ITPR2: variants seen among roughly 807,000 people sequenced by gnomAD.
ITPR2 encodes inositol 1,4,5-trisphosphate-gated calcium channel ITPR2.
A neutral mutation model predicts 317.1 loss-of-function variants in ITPR2; 207 were observed. The observed-to-expected ratio is 0.65, with a 90% CI of 0.58 to 0.73. ITPR2 has a LOEUF of 0.73. Ranked by LOEUF, ITPR2 falls within the 30% of genes least tolerant of loss-of-function variation. ITPR2 has a pLI of 0.00. For missense variants in ITPR2, 2,613 were observed against 3,284.0 expected (o/e 0.80, Z 4.99); for synonymous variants, 1,156 against 1,149.1 (o/e 1.01, Z -0.12).
intron 22 of ITPR2, among the ~76,000 whole-genome samples, chr12:26,629,361 G>A (rs1219149957): frequency 6.6e-6 from 1 of 152,070 alleles, no homozygotes; most frequent in Non-Finnish European, 1.5e-5. Flanking sequence ...CTGAGACAAA[G>A]GGATCGCTTG....
chr12:26,340,654 AGTGT>A (rs1417931015), intron 55 of ITPR2, among the ~76,000 whole-genome samples: 1 of 152,184 alleles, frequency 6.6e-6, no homozygotes, highest in Non-Finnish European at 1.5e-5. Context: ...AGCAGATCCA[AGTGT>A]GTGTGGGTAC....
chr12:26,725,564 G>T, intron 3 of ITPR2, 86 bp downstream of exon 3: 1 of 875,374 alleles, frequency 1.1e-6, no homozygotes, highest in Non-Finnish European at 1.8e-6. Flanking sequence ...TTGGGTGAAA[G>T]GACAAAGCTA....
At chr12:26,654,182 TG>T (rs1947325114) in intron 20 of ITPR2, 56 bp from the exon 21 acceptor site, 2 of 1,405,242 alleles carry the variant, frequency 1.4e-6, no homozygotes, top group African/African-American at 1.5e-5. Flanking sequence ...AAAAAAAAAT[TG>T]GGTACTGAAA....
At chr12:26,586,098 C>G (rs1050345596) in intron 32 of ITPR2, among the ~76,000 whole-genome samples, 1 of 151,942 alleles carries the variant, frequency 6.6e-6, no homozygotes, top group Admixed American at 6.6e-5. Context: ...ATGGTTATTA[C>G]CCTTTTTAAA....
At chr12:26,809,066 T>C (rs761606441) in intron 1 of ITPR2, among the ~76,000 whole-genome samples, 1 of 152,230 alleles carries the variant, frequency 6.6e-6, no homozygotes, top group Non-Finnish European at 1.5e-5. Flanking sequence ...GTTTCATCCC[T>C]GCACTTCCTG....
chr12:26,809,277 G>A (rs754088099), intron 1 of ITPR2, among the ~76,000 whole-genome samples: 2 of 152,262 alleles, frequency 1.3e-5, no homozygotes, highest in East Asian at 3.9e-4. Context: ...CCCTAAGAAT[G>A]TGACTCAGTG....
intron 55 of ITPR2, among the ~76,000 whole-genome samples, chr12:26,369,232 G>T (rs1252400815): frequency 6.6e-6 from 1 of 152,200 alleles, no homozygotes; most frequent in East Asian, 1.9e-4. Context: ...AGAGTAGAAA[G>T]CCAGTGGAAG....
chr12:26,556,204 T>G (rs1333533917), intron 36 of ITPR2, 29 bp downstream of exon 36: 2 of 1,609,434 alleles, frequency 1.2e-6, no homozygotes, highest in Admixed American at 3.4e-5. Context: ...TTGACGACAC[T>G]AGCAGAATCT....
At chr12:26,776,903 G>A (rs1406697461) in intron 2 of ITPR2, among the ~76,000 whole-genome samples, 3 of 152,176 alleles carry the variant, frequency 2.0e-5, no homozygotes, top group African/African-American at 7.2e-5. Flanking sequence ...GAGGTTCACA[G>A]TGTGACCCAT....
chr12:26,556,555 T>G (rs901236713), intron 35 of ITPR2, among the ~76,000 whole-genome samples, 180 bp from the exon 36 acceptor site: 1 of 61,866 alleles, frequency 1.6e-5, no homozygotes, highest in African/African-American at 4.7e-5. Flanking sequence ...CCTGGGTCTC[T>G]ATTTTTTTTT....
intron 12 of ITPR2, 123 bp from the exon 13 acceptor site, chr12:26,682,157 C>G (rs1485620145): frequency 1.4e-6 from 1 of 724,754 alleles, no homozygotes; most frequent in Non-Finnish European, 2.3e-6. Flanking sequence ...CACAGTAACT[C>G]CCACATGCAT....
At chr12:26,794,637 T>TA (rs1361009468) in intron 1 of ITPR2, among the ~76,000 whole-genome samples, 2 of 152,368 alleles carry the variant, frequency 1.3e-5, no homozygotes, top group East Asian at 1.9e-4. Context: ...AAGTATGACA[T>TA]ACACATTAGT....
intron 37 of ITPR2, among the ~76,000 whole-genome samples, chr12:26,507,863 C>CTGTGTGTGTGTGTGTGTGTG (rs1555144092): frequency 7.6e-6 from 1 of 132,194 alleles, no homozygotes; most frequent in African/African-American, 2.8e-5. Context: ...CTCTCTGTCT[C>CTGTGTGTGTGTGTGTGTGTG]TGTGTGTGTG....
At chr12:26,386,019 G>C (rs1939655911) in intron 55 of ITPR2, among the ~76,000 whole-genome samples, 1 of 151,956 alleles carries the variant, frequency 6.6e-6, no homozygotes, top group Non-Finnish European at 1.5e-5. Context: ...ATTCATCCAA[G>C]GCATATAACA....
chr12:26,424,902 G>GGA (rs1941010276), intron 49 of ITPR2, among the ~76,000 whole-genome samples: 1 of 151,950 alleles, frequency 6.6e-6, no homozygotes, highest in South Asian at 2.1e-4. Flanking sequence ...TGGGACTACA[G>GGA]GTACGCACCA....
At chr12:26,671,456 A>G (rs1947769518) in intron 13 of ITPR2, among the ~76,000 whole-genome samples, 1 of 152,162 alleles carries the variant, frequency 6.6e-6, no homozygotes. Flanking sequence ...ACTAAGCTTC[A>G]TAAGTGAAGG....
At chr12:26,474,757 G>A (rs571425452) in intron 45 of ITPR2, among the ~76,000 whole-genome samples, 2 of 128,236 alleles carry the variant, frequency 1.6e-5, no homozygotes, top group East Asian at 4.6e-4. Context: ...TCCCGCCACT[G>A]CACTCCAGCC....
At chr12:26,629,978 G>A (rs996033368) in intron 22 of ITPR2, among the ~76,000 whole-genome samples, 5 of 152,178 alleles carry the variant, frequency 3.3e-5, no homozygotes, top group African/African-American at 7.2e-5. Context: ...TCTTAAGAAC[G>A]TGTGGTGAGG....
intron 37 of ITPR2, among the ~76,000 whole-genome samples, chr12:26,519,994 T>C (rs923033371): frequency 6.6e-6 from 1 of 152,174 alleles, no homozygotes; most frequent in African/African-American, 2.4e-5. Flanking sequence ...TAATAGTGAT[T>C]ACCTGGCTGG....
Sources: allele counts gnomAD v4.1 joint callset (sites outside exome capture counted in the v4.1 genomes callset), GRCh38; gene constraint gnomAD v4.1.1; transcripts MANE v1.5; gene names NCBI Gene and HGNC (gene_info 2026-07-23, HGNC 2026-07-21).